Variants in MGA observed in about 807,000 individuals in gnomAD.
MGA encodes the protein MAX gene-associated protein.
Under a neutral mutation model 261.1 loss-of-function variants are expected in MGA, and 40 were observed. The observed-to-expected ratio is 0.15, with a 90% CI of 0.12 to 0.20. The LOEUF is 0.20. Ranked by LOEUF, MGA falls within the 10% of genes least tolerant of loss-of-function variation. The pLI is 1.00. For synonymous variants in MGA, 1,302 were observed against 1,290.6 expected, an observed-to-expected ratio of 1.01 and a Z score of -0.19; for missense variants, 3,397 against 3,630.5, an observed-to-expected ratio of 0.94 and a Z score of 1.65.
intron 13 of MGA, among the ~76,000 whole-genome samples, chr15:41,737,794 A>T (rs1484674933): frequency 6.6e-6 from 1 of 151,944 alleles, no homozygotes; most frequent in East Asian, 2.0e-4. Flanking sequence ...AGCCTGGCCG[A>T]CATGGCAAAA....
At chr15:41,683,896 T>G (rs965150264) in intron 2 of MGA, among the ~76,000 whole-genome samples, 3 of 151,622 alleles carry the variant, frequency 2.0e-5, no homozygotes, top group South Asian at 4.2e-4. Flanking sequence ...ACCAGTTTTG[T>G]TTTTTTTCCC....
In MGA at chr15:41,764,929, T is replaced by G. The variant is rs772126926; in HGVS notation, c.7788T>G (p.Leu2596=). Residue 2596 remains leucine, a synonymous_variant, in exon 23 of 24, where the codon CTT becomes CTG. Coordinates refer to ENST00000219905, the MANE Select transcript of MGA (RefSeq NM_001164273.2). ...ACACTCCACACACCTCTGCCAACCT[T>G]GTGATGACTCCGCAAGGGCAATTGC... 1 of 1,614,026 alleles carries G rather than the reference T, an allele frequency of 6.2e-7. No individual in the cohort carries two copies. Among genetic ancestry groups the G allele is most frequent in the Non-Finnish European group, 8.5e-7 (1 of 1,179,890 alleles).
intron 2 of MGA, among the ~76,000 whole-genome samples, chr15:41,685,594 G>T (rs183027301): frequency 6.6e-6 from 1 of 152,060 alleles, no homozygotes; most frequent in Non-Finnish European, 1.5e-5. Flanking sequence ...TGTTTATTTA[G>T]ATCTTGTTTA....
At chr15:41,677,418 G>A (rs1007748991) in intron 2 of MGA, among the ~76,000 whole-genome samples, 2 of 152,216 alleles carry the variant, frequency 1.3e-5, no homozygotes, top group Non-Finnish European at 2.9e-5. Flanking sequence ...TGGATTACAG[G>A]AGTGAGCCAC....
chr15:41,659,958 C>T (rs1449319585), upstream of MGA, among the ~76,000 whole-genome samples: 4 of 152,200 alleles, frequency 2.6e-5, no homozygotes, highest in Non-Finnish European at 4.4e-5. Flanking sequence ...CCCGGTACTC[C>T]GGGGTGGAAG....
intron 9 of MGA, among the ~76,000 whole-genome samples, chr15:41,720,334 G>A (rs541551837): frequency 1.3e-5 from 2 of 152,078 alleles, no homozygotes; most frequent in Admixed American, 6.6e-5. Flanking sequence ...CCAGGAGTTC[G>A]AGACCTGCCT....
rs373264304 is a variant in MGA at position 41,696,060 on chromosome 15, C to T, written c.1065-15C>T. 8 of 1,536,688 alleles carry T rather than the reference C, an allele frequency of 5.2e-6. No individual in the cohort carries two copies. The highest frequency in any genetic ancestry group is 1.2e-5 in the South Asian group (1 of 84,080). On this transcript the variant is annotated splice_polypyrimidine_tract_variant and intron_variant, in intron 2 of 23. Transcript: ENST00000219905. ...TTTTGTACTTTTAAAATCCCTTTCT[C>T]CTCTCTCTCTCCAGTCTTATTGCCA...
chr15:41,743,024 T>A lies in MGA; in HGVS notation c.5064T>A (p.Leu1688=). ...TAGCATCTCCTTCAACCATAACTCT[T>A]CCTGTTGCTTCCACTGCTTCCACCT... Residue 1688 remains leucine (L), a synonymous_variant, in exon 15 of 24, where the codon CTT becomes CTA. Coordinates refer to ENST00000219905, the MANE Select transcript of MGA (RefSeq NM_001164273.2). 2 of 1,613,996 alleles carry A rather than the reference T, an allele frequency of 1.2e-6. No individual in the cohort carries two copies. The highest frequency in any genetic ancestry group is 1.7e-6 in the Non-Finnish European group (2 of 1,179,900).
chr15:41,625,413 C>G (rs2056425576), intron 1 of MGA, among the ~76,000 whole-genome samples: 1 of 150,410 alleles, frequency 6.6e-6, no homozygotes, highest in Non-Finnish European at 1.5e-5. Flanking sequence ...AAGGCTGATA[C>G]AGGAGGATTC....
Position 41,727,239 on chromosome 15 carries a change from G to C in MGA, c.3490G>C (p.Glu1164Gln). 1 of 1,613,928 alleles carries C rather than the reference G, an allele frequency of 6.2e-7. No homozygotes were observed. Reference sequence around the variant, plus strand: ...ACATTACCCATTATGGGTAAAAGTAGAAGGTGAAGTAGATCCAGAACCAGT... The same window carrying C: ...ACATTACCCATTATGGGTAAAAGTACAAGGTGAAGTAGATCCAGAACCAGT... The change falls in exon 10 of 24, where the codon GAA (glutamate) becomes CAA (glutamine). Residue 1164 changes from glutamate to glutamine, a missense_variant. By Grantham distance (29) the Glu-to-Gln change is conservative (BLOSUM62 2). Around this residue, in one of 9 missense-constraint regions of MGA, gnomAD observed 519 missense variants for 554.1 expected, o/e 0.94. Coordinates refer to ENST00000219905, the MANE Select transcript of MGA (RefSeq NM_001164273.2).
intron 1 of MGA, among the ~76,000 whole-genome samples, chr15:41,654,336 G>A (rs1356543022): frequency 6.6e-6 from 1 of 152,040 alleles, no homozygotes; most frequent in Non-Finnish European, 1.5e-5. Flanking sequence ...ATTATAATGA[G>A]ATGTTCTTTC....
chr15:41,730,394 A>G lies in MGA; in HGVS notation c.3843+1045A>G, dbSNP rs1459697626. On this transcript the variant is annotated intron_variant, in intron 11 of 23. Coordinates refer to ENST00000219905, the MANE Select transcript of MGA (RefSeq NM_001164273.2). The stretch of plus-strand genomic sequence containing the variant: ...GCCAAGGTTGCACTGAGCTGAGACC[A>G]CACCATTGCACTCCAGCCTGGGCAA... 2.0e-5 allele frequency among the ~76,000 whole-genome samples: 3 copies of G among 151,904 alleles called. No homozygotes were observed. The East Asian group carries it at 5.9e-4, about 30-fold the overall frequency.
chr15:41,639,490 C>T (rs1364037353), intron 1 of MGA, among the ~76,000 whole-genome samples: 4 of 150,780 alleles, frequency 2.7e-5, no homozygotes, highest in Non-Finnish European at 4.4e-5. Flanking sequence ...CTAATTAGCT[C>T]GGCACAGGAG....
chr15:41,699,256 CT>C (rs2059709439), intron 5 of MGA, 97 bp downstream of exon 5: 2 of 776,004 alleles, frequency 2.6e-6, no homozygotes, highest in African/African-American at 1.8e-5. Context: ...CTCTTTTTTT[CT>C]GTTTTTTCCT....
At chr15:41,737,352 G>A (rs1468459450) in intron 13 of MGA, among the ~76,000 whole-genome samples, 8 of 149,872 alleles carry the variant, frequency 5.3e-5, no homozygotes, top group African/African-American at 1.2e-4. Context: ...ACGGGGTTTC[G>A]CCATGTTGTC....
upstream of MGA, among the ~76,000 whole-genome samples, chr15:41,656,507 A>ATTTATT (rs549033021): frequency 1.5e-4 from 22 of 150,946 alleles, no homozygotes; most frequent in East Asian, 7.9e-4. Flanking sequence ...AGGCCCAGCT[A>ATTTATT]TTTATTTTTA....
intron 1 of MGA, among the ~76,000 whole-genome samples, chr15:41,622,272 T>A (rs745312867): frequency 3.3e-5 from 5 of 152,146 alleles, no homozygotes; most frequent in Non-Finnish European, 7.3e-5. Flanking sequence ...CCATTTCTCA[T>A]TCAGCTCGGT....
chr15:41,708,359 C>T (rs2060219769), intron 7 of MGA, among the ~76,000 whole-genome samples, 151 bp downstream of exon 7: 1 of 151,910 alleles, frequency 6.6e-6, no homozygotes, highest in Non-Finnish European at 1.5e-5. Context: ...CTCTTGTTGC[C>T]CAGGCTGGAG....
At chr15:41,659,196 G>A, upstream of MGA, among the ~76,000 whole-genome samples, 1 of 152,188 alleles carries the variant, frequency 6.6e-6, no homozygotes, top group East Asian at 1.9e-4. Flanking sequence ...TTCTAGTTCA[G>A]ACTATTCCAG....
Sources: allele counts gnomAD v4.1 joint callset (sites outside exome capture counted in the v4.1 genomes callset), GRCh38; gene constraint gnomAD v4.1.1; regional missense constraint gnomAD v4.1.1; transcripts MANE v1.5; gene names NCBI Gene and HGNC (gene_info 2026-07-23, HGNC 2026-07-21).